FGF14: variants seen among roughly 807,000 people sequenced by gnomAD.
The protein encoded by FGF14 is fibroblast growth factor homologous factor 4.
FGF14 carries 5 observed loss-of-function variants against 25.5 expected under a neutral mutation model. The observed-to-expected ratio is 0.20, with a 90% confidence interval of 0.10 to 0.41. The LOEUF (loss-of-function observed/expected upper bound fraction) is 0.41, where lower values mean the gene tolerates loss of function less well. Ranked by LOEUF, FGF14 falls within the 10% of genes least tolerant of loss-of-function variation. The pLI, the probability that FGF14 is intolerant of heterozygous loss-of-function variation, is 1.00. For missense variants in FGF14, 222 were observed against 320.1 expected (o/e 0.69, Z 2.34); for synonymous variants, 138 against 118.3 (o/e 1.17, Z -1.08).
intron 1 of FGF14, among the ~76,000 whole-genome samples, chr13:102,324,006 T>C (rs2056337986): frequency 6.8e-6 from 1 of 146,044 alleles, no homozygotes; most frequent in African/African-American, 2.6e-5. Context: ...TGTGTGTGTG[T>C]TGCTGTACAT....
intron 1 of FGF14, among the ~76,000 whole-genome samples, chr13:102,278,670 A>G (rs998972311): frequency 4.0e-5 from 6 of 151,872 alleles, no homozygotes; most frequent in African/African-American, 1.5e-4. Context: ...ACACACACAC[A>G]TACACACTTC....
chr13:102,361,660 CA>C (rs1454764261), intron 1 of FGF14, among the ~76,000 whole-genome samples: 1 of 152,166 alleles, frequency 6.6e-6, no homozygotes, highest in East Asian at 1.9e-4. Flanking sequence ...TCCATGGTTT[CA>C]GCTATGAATT....
chr13:102,097,878 C>T (rs1341712652), intron 1 of FGF14, among the ~76,000 whole-genome samples: 1 of 152,184 alleles, frequency 6.6e-6, no homozygotes, highest in Non-Finnish European at 1.5e-5. Flanking sequence ...TGTGAGAGCA[C>T]ATGGGTGTCA....
intron 1 of FGF14, among the ~76,000 whole-genome samples, chr13:101,947,968 T>C (rs1203856502): frequency 2.0e-5 from 3 of 152,182 alleles, no homozygotes; most frequent in Non-Finnish European, 2.9e-5. Flanking sequence ...ATAAAGAATA[T>C]TGATTCAAAT....
intron 3 of FGF14, among the ~76,000 whole-genome samples, chr13:101,827,665 C>T (rs999512342): frequency 9.2e-5 from 14 of 151,626 alleles, no homozygotes; most frequent in Admixed American, 2.6e-4. Flanking sequence ...CATTTTTTAA[C>T]CTAGGCTTTT....
At chr13:101,880,782 C>T (rs568476425) in intron 1 of FGF14, among the ~76,000 whole-genome samples, 2 of 152,150 alleles carry the variant, frequency 1.3e-5, no homozygotes, top group South Asian at 2.1e-4. Context: ...TAACCTACCA[C>T]GGTGCTTGCC....
At chr13:101,902,654 C>T (rs778434931) in intron 1 of FGF14, among the ~76,000 whole-genome samples, 3 of 152,160 alleles carry the variant, frequency 2.0e-5, no homozygotes, top group Non-Finnish European at 4.4e-5. Flanking sequence ...GAATAACTAA[C>T]TTCCTGAAGC....
chr13:102,156,744 T>C (rs1306861458), intron 1 of FGF14, among the ~76,000 whole-genome samples: 1 of 152,262 alleles, frequency 6.6e-6, no homozygotes, highest in African/African-American at 2.4e-5. Context: ...GACGACATGA[T>C]TGTATATCTA....
rs117780222 is a variant in FGF14, at chr13:102,167,995, T to G, written c.208+233476A>C. The stretch of plus-strand genomic sequence containing the variant: ...TCGCCCTCTATGTCATGGCTTTTTA[T>G]GTAGTCGCTGACTCTCCTTTAGTGA... On this transcript the variant is annotated intron_variant, in intron 1 of 4. Coordinates refer to the FGF14 transcript ENST00000376131. 1.3e-5 allele frequency among the ~76,000 whole-genome samples: 2 copies of G among 152,106 alleles called. 1 individual carries two copies. The highest frequency in any genetic ancestry group is 1.3e-4 in the Admixed American group (2 of 15,260).
intron 1 of FGF14, among the ~76,000 whole-genome samples, chr13:102,129,122 C>T (rs2046076030): frequency 6.6e-6 from 1 of 151,896 alleles, no homozygotes; most frequent in African/African-American, 2.4e-5. Flanking sequence ...TAGTGGAGTG[C>T]ACTTCTGGTC....
At chr13:102,060,315 A>T (rs978089682) in intron 1 of FGF14, among the ~76,000 whole-genome samples, 2 of 152,024 alleles carry the variant, frequency 1.3e-5, no homozygotes, top group African/African-American at 2.4e-5. Context: ...CATGAGGTCA[A>T]GAGATCGAGA....
rs2038816171 is a variant in FGF14 at position 101,772,123 on chromosome 13, AGTTAT to A, written c.409-45318_409-45314del. On this transcript the variant is annotated intron_variant, in intron 3 of 4. Coordinates refer to ENST00000376143, the MANE Select transcript of FGF14 (RefSeq NM_004115.4). Reference sequence around the variant, plus strand: ...CCTAGACCAGAGAAAATTTGGCTATAGTTATGTTATGTCACATATACATTATGTGA... The same window carrying A: ...CCTAGACCAGAGAAAATTTGGCTATAGTTATGTCACATATACATTATGTGA... 2.6e-5 allele frequency among the ~76,000 whole-genome samples: 4 copies of A among 152,216 alleles called. No individual in the cohort carries two copies. In the South Asian group the frequency reaches 8.3e-4, roughly 32 times the overall value.
chr13:102,161,656 A>AG (rs1566765329), intron 1 of FGF14, among the ~76,000 whole-genome samples: 1 of 26,224 alleles, frequency 3.8e-5, no homozygotes, highest in Admixed American at 3.6e-4. Flanking sequence ...GAAGAAGAAG[A>AG]AGAAGAAGAA....
At chr13:102,183,601 C>T (rs185729429) in intron 1 of FGF14, among the ~76,000 whole-genome samples, 3 of 152,282 alleles carry the variant, frequency 2.0e-5, no homozygotes, top group African/African-American at 7.2e-5. Flanking sequence ...TCAATGAACT[C>T]AGTCATTTGC....
chr13:101,965,129 A>G (rs966279996), intron 1 of FGF14, among the ~76,000 whole-genome samples: 2 of 152,040 alleles, frequency 1.3e-5, no homozygotes, highest in African/African-American at 4.8e-5. Context: ...GGCACCCGTA[A>G]TCCCAGCTAC....
chr13:102,078,617 T>C (rs930634286), intron 1 of FGF14, among the ~76,000 whole-genome samples: 9 of 152,064 alleles, frequency 5.9e-5, no homozygotes, highest in African/African-American at 1.9e-4. Context: ...AACTGCACTA[T>C]GGAAGATGAA....
At chr13:102,325,154 TG>T (rs2056383358) in intron 1 of FGF14, among the ~76,000 whole-genome samples, 2 of 151,816 alleles carry the variant, frequency 1.3e-5, no homozygotes, top group African/African-American at 4.8e-5. Context: ...TACAAACAGC[TG>T]TCAAATAGCC....
chr13:102,185,005 A>C (rs911378921), intron 1 of FGF14, among the ~76,000 whole-genome samples: 1 of 152,176 alleles, frequency 6.6e-6, no homozygotes, highest in African/African-American at 2.4e-5. Flanking sequence ...TTAAACATAA[A>C]AGCTTTTTAA....
chr13:101,874,116 T>G (rs186121029), intron 2 of FGF14, among the ~76,000 whole-genome samples: 35 of 152,214 alleles, frequency 2.3e-4, no homozygotes, highest in Admixed American at 5.9e-4. Context: ...TAACCTATTT[T>G]GTATCGCTAA....
Sources: gnomAD v4.1 joint callset for allele counts (sites outside exome capture counted in the v4.1 genomes callset) on GRCh38, gnomAD v4.1.1 for gene constraint, MANE v1.5 for transcripts, NCBI Gene and HGNC (gene_info 2026-07-23, HGNC 2026-07-21) for gene names.